Variants in ADGRL3 observed in about 807,000 individuals in gnomAD.
The protein encoded by ADGRL3 is calcium-independent alpha-latrotoxin receptor 3.
In ADGRL3, 62 loss-of-function variants were observed where a neutral mutation model predicts 153.5. That is an observed-to-expected ratio of 0.40 (90% CI 0.33 to 0.50). ADGRL3 has a LOEUF of 0.50. Ranked by LOEUF, ADGRL3 falls within the 20% of genes least tolerant of loss-of-function variation. ADGRL3 has a pLI of 0.47. For synonymous variants in ADGRL3, 710 were observed against 672.5 expected, an observed-to-expected ratio of 1.06 and a Z score of -0.86; for missense variants, 1,641 against 1,859.4, an observed-to-expected ratio of 0.88 and a Z score of 2.16.
chr4:61,570,943 G>A (rs538485959), intron 4 of ADGRL3, among the ~76,000 whole-genome samples: 10 of 152,168 alleles, frequency 6.6e-5, no homozygotes, highest in African/African-American at 1.9e-4. Flanking sequence ...ATGAAGAAGC[G>A]GGTAAGCATG....
At chr4:61,577,383 G>A (rs1015369339) in intron 4 of ADGRL3, among the ~76,000 whole-genome samples, 1 of 151,926 alleles carries the variant, frequency 6.6e-6, no homozygotes, top group Non-Finnish European at 1.5e-5. Flanking sequence ...TTCAAAACTT[G>A]TTTTATTCTT....
intron 6 of ADGRL3, among the ~76,000 whole-genome samples, chr4:61,679,812 C>T (rs572272800): frequency 6.6e-6 from 1 of 152,108 alleles, no homozygotes; most frequent in African/African-American, 2.4e-5. Flanking sequence ...GTATTTCTCT[C>T]CATAATTGTT....
intron 1 of ADGRL3, among the ~76,000 whole-genome samples, chr4:61,208,605 T>G (rs1448055567): frequency 6.6e-6 from 1 of 152,176 alleles, no homozygotes. Context: ...ATCGACTTTA[T>G]TTTACTCTCA....
At chr4:61,268,670 G>C (rs1338666334) in intron 1 of ADGRL3, among the ~76,000 whole-genome samples, 1 of 151,230 alleles carries the variant, frequency 6.6e-6, no homozygotes, top group Non-Finnish European at 1.5e-5. Flanking sequence ...TTATTCCAGT[G>C]GTGTGTGGCA....
chr4:61,726,210 G>GTTTTTTTTTTTTTTTTGTTTTTTTTT (rs149472429), intron 6 of ADGRL3, among the ~76,000 whole-genome samples: 1 of 118,480 alleles, frequency 8.4e-6, no homozygotes, highest in African/African-American at 3.2e-5. Flanking sequence ...TTTTTTTTTT[G>GTTTTTTTTTTTTTTTTGTTTTTTTTT]TTTTTTGAGA....
Position 61,774,372 on chromosome 4 carries a change from G to A in ADGRL3, c.1400-39437G>A, listed in dbSNP as rs1422570967. On this transcript the variant is annotated intron_variant, in intron 8 of 26. Transcript: ENST00000683033. ...AACTCTGTCTCAAAAAAAAAAAAAA[G>A]AAAGAAAAAGAAAAAATTCAGGAAA... 1.8e-3 allele frequency among the ~76,000 whole-genome samples: 225 copies of A among 127,960 alleles called. 3 individuals carry two copies. Among genetic ancestry groups the A allele is most frequent in the African/African-American group, 5.5e-3 (190 of 34,598 alleles). The allele number at this position is 127,960 out of a possible 152,430, so 83.9% of individuals were successfully genotyped here.
Position 61,997,206 on chromosome 4 carries a change from G to C in ADGRL3, c.3303+849G>C, listed in dbSNP as rs539858298. Among the ~76,000 whole-genome samples the C allele has an allele frequency of 4.8e-5, 7 of 147,304 alleles. No individual in the cohort carries two copies. The Admixed American group carries it at 4.8e-4, about 10-fold the overall frequency. ...CACATCAACAAATACTCACAGTGGA[G>C]ACTAGGCAGCACTCTGTAATCAAAT... On this transcript the variant is annotated intron_variant, in intron 20 of 26. Transcript: ENST00000683033.
chr4:61,508,748 A>C (rs1414754937), intron 3 of ADGRL3, among the ~76,000 whole-genome samples: 1 of 151,984 alleles, frequency 6.6e-6, no homozygotes, highest in East Asian at 1.9e-4. Flanking sequence ...CCTAGTTCCC[A>C]GTGTTTATCG....
chr4:62,076,166 A>T lies in ADGRL3; in HGVS notation c.*5258A>T, dbSNP rs1233122539. The T allele has an allele frequency of 6.6e-6, 1 of 151,214 alleles. No homozygotes were observed. The highest frequency in any genetic ancestry group is 2.4e-5 in the African/African-American group (1 of 40,912). 9.4% of individuals were successfully genotyped at this position (151,214 alleles called of 1,614,324 possible). A position where few individuals can be genotyped will look rare whatever the true frequency, so the allele number is the denominator to read the frequency against. On this transcript the variant is annotated 3_prime_UTR_variant, in exon 27 of 27. Transcript: ENST00000683033. ...AGATATTGCTATTCCTTCTTTATTT[A>T]AAAAAAAATTTAAAAGTCAGCACTT...
intron 4 of ADGRL3, among the ~76,000 whole-genome samples, chr4:61,580,125 G>A (rs1251087945): frequency 6.6e-6 from 1 of 151,996 alleles, no homozygotes; most frequent in Middle Eastern, 3.2e-3. Flanking sequence ...TTTTTCAAAG[G>A]CATTGCCAAT....
chr4:61,596,247 C>G (rs546989783), intron 5 of ADGRL3, among the ~76,000 whole-genome samples: 1 of 152,142 alleles, frequency 6.6e-6, no homozygotes, highest in African/African-American at 2.4e-5. Context: ...TCTTGCTCTG[C>G]CCCTTAGTTA....
chr4:62,026,014 CAG>C lies in ADGRL3; in HGVS notation c.3396-2840_3396-2839del, dbSNP rs369288654. 3.9e-5 allele frequency among the ~76,000 whole-genome samples: 6 copies of C among 152,026 alleles called. 1 individual carries two copies. The highest frequency in any genetic ancestry group is 1.4e-4 in the African/African-American group (6 of 41,472). ...AACTATAAAACTAGATTATCTAGGC[CAG>C]TAGAATATTTGACAAAAATTATGGA... On this transcript the variant is annotated intron_variant, in intron 21 of 26. Coordinates refer to ENST00000683033, the MANE Select transcript of ADGRL3 (RefSeq NM_001387552.1).
chr4:61,650,853 C>G (rs1168678633), intron 5 of ADGRL3, among the ~76,000 whole-genome samples: 1 of 151,966 alleles, frequency 6.6e-6, no homozygotes, highest in African/African-American at 2.4e-5. Context: ...AATATGGTTT[C>G]TAGGTTTATA....
chr4:61,501,411 C>T (rs146059904), intron 3 of ADGRL3, among the ~76,000 whole-genome samples: 18 of 151,996 alleles, frequency 1.2e-4, no homozygotes, highest in African/African-American at 4.1e-4. Context: ...ATTTTTTTCC[C>T]CTGCTCCTTT....
At chr4:61,501,505 G>T (rs928230496) in intron 3 of ADGRL3, among the ~76,000 whole-genome samples, 10 of 152,120 alleles carry the variant, frequency 6.6e-5, no homozygotes, top group African/African-American at 2.4e-4. Context: ...AGAATGGAAA[G>T]AAATCTTTTT....
At chr4:61,659,521 A>T (rs759335713) in intron 5 of ADGRL3, among the ~76,000 whole-genome samples, 9 of 152,162 alleles carry the variant, frequency 5.9e-5, no homozygotes, top group Admixed American at 1.3e-4. Flanking sequence ...TTTGCTATTT[A>T]AAAAACAGGT....
chr4:61,953,854 A>T (rs2098956448), intron 17 of ADGRL3, among the ~76,000 whole-genome samples: 1 of 152,078 alleles, frequency 6.6e-6, no homozygotes, highest in Admixed American at 6.5e-5. Flanking sequence ...TTCTTGCAAC[A>T]CGTTCTTCAG....
intron 9 of ADGRL3, among the ~76,000 whole-genome samples, chr4:61,890,878 A>G (rs1326198423): frequency 1.3e-5 from 2 of 152,154 alleles, no homozygotes. Flanking sequence ...GTAAAAATTT[A>G]GTTTTTAAGT....
At chr4:61,290,061 A>G (rs947390125) in intron 1 of ADGRL3, among the ~76,000 whole-genome samples, 4 of 152,090 alleles carry the variant, frequency 2.6e-5, no homozygotes, top group Admixed American at 2.6e-4. Flanking sequence ...TAAACAGAAC[A>G]TACCTCCCCT....
Sources: gnomAD v4.1 joint callset for allele counts (sites outside exome capture counted in the v4.1 genomes callset) on GRCh38, gnomAD v4.1.1 for gene constraint, MANE v1.5 for transcripts, NCBI Gene and HGNC (gene_info 2026-07-23, HGNC 2026-07-21) for gene names.